Variants in PLCL2 observed in about 807,000 individuals in gnomAD.
The protein encoded by PLCL2 is inactive phospholipase C-like protein 2.
PLCL2 carries 4 observed loss-of-function variants against 79.6 expected under a neutral mutation model. That is an observed-to-expected ratio of 0.05 (90% confidence interval 0.02 to 0.11). The LOEUF (loss-of-function observed/expected upper bound fraction) is 0.11, where lower values mean the gene tolerates loss of function less well. Ranked by LOEUF, PLCL2 falls within the 10% of genes least tolerant of loss-of-function variation. The pLI, the probability that PLCL2 is intolerant of heterozygous loss-of-function variation, is 1.00. For missense variants in PLCL2, 895 were observed against 1,291.0 expected, an observed-to-expected ratio of 0.69 and a Z score of 4.70; for synonymous variants, 484 against 457.7, an observed-to-expected ratio of 1.06 and a Z score of -0.73.
intron 4 of PLCL2, among the ~76,000 whole-genome samples, chr3:17,066,736 G>A (rs969252725): frequency 6.6e-6 from 1 of 152,156 alleles, no homozygotes; most frequent in African/African-American, 2.4e-5. Context: ...CTGACATGGA[G>A]TGAACTCCAC....
chr3:16,993,975 A>G (rs1314600928), intron 1 of PLCL2, among the ~76,000 whole-genome samples: 1 of 152,182 alleles, frequency 6.6e-6, no homozygotes, highest in Non-Finnish European at 1.5e-5. Context: ...CCTGTGTGAA[A>G]TTAATTGTAC....
Position 17,041,372 on chromosome 3 carries a change from G to A in PLCL2, c.3019-1502G>A, listed in dbSNP as rs565002784. 1.4e-4 allele frequency among the ~76,000 whole-genome samples: 22 copies of A among 152,236 alleles called. 2 individuals carry two copies. The South Asian group carries it at 4.1e-3, about 29-fold the overall frequency. On this transcript the variant is annotated intron_variant, in intron 3 of 5. Coordinates refer to ENST00000615277, the MANE Select transcript of PLCL2 (RefSeq NM_001144382.2). Reference sequence around the variant, plus strand: ...GGGGCTGCCTGCAGTAGACCCCAGCGATGATTAAAGATACATTATGAAGGC... The same window carrying A: ...GGGGCTGCCTGCAGTAGACCCCAGCAATGATTAAAGATACATTATGAAGGC...
chr3:16,966,738 A>G (rs12494582), intron 1 of PLCL2, among the ~76,000 whole-genome samples: 28,098 of 151,908 alleles, frequency 0.18, 3,114 homozygotes, highest in East Asian at 0.53. Flanking sequence ...TTCCTGGTTT[A>G]GTCTTGGGAG....
rs3924138 is a variant in PLCL2 at position 16,993,166 on chromosome 3, T to C, written c.328-16508T>C. Among the ~76,000 whole-genome samples the C allele has an allele frequency of 9.8e-4, 149 of 152,336 alleles. 3 individuals carry two copies. The South Asian group carries it at 0.03, about 31-fold the overall frequency. On this transcript the variant is annotated intron_variant, in intron 1 of 5. Transcript: ENST00000615277. ...TGGGACTTAGAACTTAACACATTAT[T>C]AATAAGGTCACTTTCAGGTAGGATG...
intron 3 of PLCL2, among the ~76,000 whole-genome samples, chr3:17,031,377 T>G (rs920683945): frequency 2.6e-5 from 4 of 152,180 alleles, no homozygotes; most frequent in Non-Finnish European, 5.9e-5. Context: ...TGTTGAAAGT[T>G]CCTTCTAAGT....
chr3:17,033,753 C>T (rs1425596425), intron 3 of PLCL2, among the ~76,000 whole-genome samples: 2 of 152,214 alleles, frequency 1.3e-5, no homozygotes, highest in Non-Finnish European at 2.9e-5. Context: ...CCTCCAACAC[C>T]CACTTCCACC....
At position 17,083,089 on chromosome 3, in the gene PLCL2, C is replaced by T. The variant is rs115339408; in HGVS notation, c.3205-6644C>T. Reference sequence around the variant, plus strand: ...AAAATTCCTGCCCTCGTGAAGTTTACATTTAGTGGAAGAGACAGACAATAA... The same window carrying T: ...AAAATTCCTGCCCTCGTGAAGTTTATATTTAGTGGAAGAGACAGACAATAA... On this transcript the variant is annotated intron_variant, in intron 5 of 5. Transcript: ENST00000615277. 6.5e-3 allele frequency among the ~76,000 whole-genome samples: 988 copies of T among 152,108 alleles called. 12 individuals carry two copies. The highest frequency in any genetic ancestry group is 0.023 in the African/African-American group (945 of 41,488).
intron 5 of PLCL2, among the ~76,000 whole-genome samples, chr3:17,082,596 C>T (rs80236304): frequency 0.016 from 2,412 of 152,196 alleles, 27 homozygotes; most frequent in Non-Finnish European, 0.027. Flanking sequence ...TTGGTAATGT[C>T]CAAAGGCCTA....
intron 2 of PLCL2, among the ~76,000 whole-genome samples, chr3:17,012,574 G>A (rs141699378): frequency 7.2e-5 from 11 of 152,254 alleles, no homozygotes; most frequent in East Asian, 1.9e-4. Context: ...CCTTTCTTAC[G>A]AAGCTGTAAT....
At chr3:17,038,183 T>G (rs1298269128) in intron 3 of PLCL2, among the ~76,000 whole-genome samples, 1 of 152,200 alleles carries the variant, frequency 6.6e-6, no homozygotes, top group Non-Finnish European at 1.5e-5. Context: ...CTATGTTACA[T>G]CCATAGATTT....
At chr3:17,019,414 T>C (rs1191418527) in intron 3 of PLCL2, among the ~76,000 whole-genome samples, 9 of 152,212 alleles carry the variant, frequency 5.9e-5, no homozygotes, top group Non-Finnish European at 1.2e-4. Context: ...ATGGAAACCC[T>C]GTAGCACAAC....
At chr3:16,922,850 C>T (rs1007072462) in intron 1 of PLCL2, among the ~76,000 whole-genome samples, 2 of 152,034 alleles carry the variant, frequency 1.3e-5, no homozygotes, top group Non-Finnish European at 2.9e-5. Flanking sequence ...CACCCTCCAT[C>T]AAGGCATCCA....
chr3:17,064,459 G>T (rs1179431932), intron 4 of PLCL2, among the ~76,000 whole-genome samples: 5 of 152,136 alleles, frequency 3.3e-5, no homozygotes, highest in African/African-American at 1.2e-4. Context: ...TTAGGAAAGT[G>T]CTGTAGCCTC....
chr3:16,942,223 G>A (rs920867446), intron 1 of PLCL2, among the ~76,000 whole-genome samples: 3 of 152,236 alleles, frequency 2.0e-5, no homozygotes, highest in Non-Finnish European at 2.9e-5. Context: ...AGAATCTGCT[G>A]AGGAGAGTGC....
intron 1 of PLCL2, among the ~76,000 whole-genome samples, chr3:16,898,904 C>G (rs973772622): frequency 2.0e-5 from 3 of 152,196 alleles, no homozygotes; most frequent in Non-Finnish European, 4.4e-5. Context: ...GAGGCCCCAG[C>G]CAGCTGTGGC....
chr3:17,043,598 T>C (rs1018444445), intron 4 of PLCL2, among the ~76,000 whole-genome samples: 2 of 151,826 alleles, frequency 1.3e-5, no homozygotes, highest in African/African-American at 4.8e-5. Context: ...ATTTGGGAGA[T>C]TCTATTATGG....
intron 1 of PLCL2, among the ~76,000 whole-genome samples, chr3:16,937,041 AC>A (rs1179834584): frequency 6.6e-6 from 1 of 152,084 alleles, no homozygotes; most frequent in Non-Finnish European, 1.5e-5. Flanking sequence ...GCTGATCTCT[AC>A]CCACTAAATG....
At chr3:16,984,400 TAATA>T (rs530482150) in intron 1 of PLCL2, among the ~76,000 whole-genome samples, 455 of 152,298 alleles carry the variant, frequency 3.0e-3, no homozygotes, top group Non-Finnish European at 5.5e-3. Context: ...TTTTATTAAG[TAATA>T]AATCATTTCT....
intron 5 of PLCL2, among the ~76,000 whole-genome samples, chr3:17,074,992 G>A (rs932249285): frequency 5.6e-4 from 85 of 152,290 alleles, no homozygotes; most frequent in African/African-American, 2.0e-3. Context: ...CAGTAGAATA[G>A]CACTTTAAAT....
Sources: gnomAD v4.1 joint callset for allele counts (sites outside exome capture counted in the v4.1 genomes callset) on GRCh38, gnomAD v4.1.1 for gene constraint, MANE v1.5 for transcripts, NCBI Gene and HGNC (gene_info 2026-07-23, HGNC 2026-07-21) for gene names.